Variants in FNBP1L observed in about 807,000 individuals in gnomAD.
FNBP1L encodes the protein formin binding protein 1 like.
A neutral mutation model predicts 91.2 loss-of-function variants in FNBP1L; 36 were observed. The ratio of observed to expected loss-of-function variants is 0.39; its 90% CI spans 0.30 to 0.52. The LOEUF (loss-of-function observed/expected upper bound fraction) is 0.52. FNBP1L is among the 20% of genes least tolerant of loss of function. The pLI, the probability that FNBP1L is intolerant of heterozygous loss-of-function variation, is 0.66. For missense variants in FNBP1L, 571 were observed against 732.1 expected, an observed-to-expected ratio of 0.78 and a Z score of 2.54; for synonymous variants, 242 against 237.0, an observed-to-expected ratio of 1.02 and a Z score of -0.19.
chr1:93,524,213 G>T, intron 4 of FNBP1L, 48 bp from the exon 5 acceptor site: 1 of 1,367,830 alleles, frequency 7.3e-7, no homozygotes, highest in Admixed American at 3.2e-5. Flanking sequence ...ATTTGTTTTT[G>T]TTTTATTTTT....
At chr1:93,448,777 G>A (rs1401133722) in intron 1 of FNBP1L, among the ~76,000 whole-genome samples, 1 of 152,178 alleles carries the variant, frequency 6.6e-6, no homozygotes, top group African/African-American at 2.4e-5. Flanking sequence ...GGCCAGGTCC[G>A]CGGGGCTAGG....
Position 93,496,221 on chromosome 1 carries a change from C to A in FNBP1L, c.25-3247C>A, listed in dbSNP as rs1329616136. Among the ~76,000 whole-genome samples, 4 of 151,342 alleles carry A rather than the reference C, an allele frequency of 2.6e-5. No individual in the cohort carries two copies. The South Asian group carries it at 8.4e-4, about 32-fold the overall frequency. The stretch of plus-strand genomic sequence containing the variant: ...TATTAATTTTTTCCTTCCCTCTTAC[C>A]CTCTCCCCCTCCCCACCTCCCCCTT... On this transcript the variant is annotated intron_variant, in intron 1 of 16. Coordinates refer to ENST00000271234, the MANE Select transcript of FNBP1L (RefSeq NM_001164473.3).
chr1:93,466,395 G>C (rs1309071222), intron 1 of FNBP1L, among the ~76,000 whole-genome samples: 1 of 152,126 alleles, frequency 6.6e-6, no homozygotes, highest in Non-Finnish European at 1.5e-5. Context: ...GTAAGGAAGG[G>C]ATCCAGTTTC....
chr1:93,520,112 C>A (rs901783621), intron 2 of FNBP1L, among the ~76,000 whole-genome samples: 21 of 152,136 alleles, frequency 1.4e-4, no homozygotes, highest in African/African-American at 4.6e-4. Flanking sequence ...ACTTACCATG[C>A]AGTATATTAC....
intron 2 of FNBP1L, among the ~76,000 whole-genome samples, chr1:93,516,371 C>G (rs972620854): frequency 6.6e-6 from 1 of 152,162 alleles, no homozygotes; most frequent in Non-Finnish European, 1.5e-5. Flanking sequence ...AAAGCTCCCT[C>G]CTTGTCCACT....
chr1:93,523,861 A>G (rs1023280617), intron 4 of FNBP1L, among the ~76,000 whole-genome samples: 1 of 152,194 alleles, frequency 6.6e-6, no homozygotes, highest in Non-Finnish European at 1.5e-5. Flanking sequence ...ACCCACATTC[A>G]TTGACTTTTA....
intron 8 of FNBP1L, 134 bp downstream of exon 8, chr1:93,533,202 T>C (rs1195586596): frequency 1.6e-6 from 1 of 606,904 alleles, no homozygotes; most frequent in East Asian, 3.1e-5. Context: ...AAGAATGTCT[T>C]GCAATAGATT....
intron 1 of FNBP1L, among the ~76,000 whole-genome samples, chr1:93,473,947 A>C (rs1277342076): frequency 6.6e-6 from 1 of 152,122 alleles, no homozygotes; most frequent in Non-Finnish European, 1.5e-5. Flanking sequence ...GAATATAGGA[A>C]ATTTACAGCA....
At chr1:93,518,555 T>A (rs1671209390) in intron 2 of FNBP1L, among the ~76,000 whole-genome samples, 1 of 152,224 alleles carries the variant, frequency 6.6e-6, no homozygotes, top group Non-Finnish European at 1.5e-5. Flanking sequence ...GTCTAAATTC[T>A]AGATGGATGG....
At chr1:93,485,173 A>G (rs896672794) in intron 1 of FNBP1L, among the ~76,000 whole-genome samples, 3 of 151,834 alleles carry the variant, frequency 2.0e-5, no homozygotes, top group East Asian at 1.9e-4. Context: ...AAAAAAGGAA[A>G]GAAAGGTAGT....
chr1:93,517,005 C>A (rs1008571650), intron 2 of FNBP1L, among the ~76,000 whole-genome samples: 4 of 150,782 alleles, frequency 2.7e-5, no homozygotes, highest in Admixed American at 6.6e-5. Flanking sequence ...TCACCCTGTT[C>A]TTCCTCTTCC....
At chr1:93,501,936 T>G (rs961553808) in intron 2 of FNBP1L, among the ~76,000 whole-genome samples, 40 of 152,188 alleles carry the variant, frequency 2.6e-4, no homozygotes, top group African/African-American at 8.9e-4. Context: ...CACAAAACTC[T>G]TCATTGCAGG....
chr1:93,482,381 T>G (rs897901911), intron 1 of FNBP1L, among the ~76,000 whole-genome samples: 4 of 152,186 alleles, frequency 2.6e-5, no homozygotes, highest in Non-Finnish European at 4.4e-5. Flanking sequence ...TAGAGCCATT[T>G]TATGTAAATG....
chr1:93,513,116 G>C (rs1382979075), intron 2 of FNBP1L, among the ~76,000 whole-genome samples: 1 of 151,966 alleles, frequency 6.6e-6, no homozygotes, highest in Non-Finnish European at 1.5e-5. Flanking sequence ...AAATACAAAC[G>C]ACCATCAGAG....
In FNBP1L at chr1:93,523,404, G is replaced by A. The variant is rs1471695426; in HGVS notation, c.255G>A (p.Gln85=). The A allele has an allele frequency of 5.0e-6, 8 of 1,609,654 alleles. No homozygotes were observed. Among genetic ancestry groups the A allele is most frequent in the Non-Finnish European group, 6.8e-6 (8 of 1,177,770 alleles). The change falls in exon 4 of 17, where the codon CAG becomes CAA. Residue 85 remains glutamine (Q), a synonymous_variant. Transcript: ENST00000271234. ...ILNELNDYAG[Q]REVVAEEMAH... is the part of the protein sequence containing the mutation. ...ATGAGTTAAATGACTATGCAGGACAGCGAGAAGTTGTAGCAGAAGAAATGG... is the reference window on the plus strand; with the variant it reads ...ATGAGTTAAATGACTATGCAGGACAACGAGAAGTTGTAGCAGAAGAAATGG...
chr1:93,533,965 A>AGAGAG (rs1671765581), intron 8 of FNBP1L, among the ~76,000 whole-genome samples: 1 of 152,196 alleles, frequency 6.6e-6, no homozygotes, highest in Non-Finnish European at 1.5e-5. Context: ...AGGCAACAAA[A>AGAGAG]GAGAGGTTGT....
chr1:93,502,336 TAAG>T (rs778446807), intron 2 of FNBP1L, among the ~76,000 whole-genome samples: 4 of 152,120 alleles, frequency 2.6e-5, no homozygotes, highest in South Asian at 2.1e-4. Flanking sequence ...AAACACTTGT[TAAG>T]AAGAGGATAT....
chr1:93,481,477 G>A (rs1669701753), intron 1 of FNBP1L, among the ~76,000 whole-genome samples: 2 of 152,146 alleles, frequency 1.3e-5, no homozygotes, highest in Admixed American at 1.3e-4. Flanking sequence ...GAAAATTAAG[G>A]AGACTGGCCC....
Position 93,530,778 on chromosome 1 carries a change from T to C in FNBP1L, c.534T>C (p.Arg178=). The change falls in exon 7 of 17, where the codon CGT becomes CGC. Residue 178 remains arginine (R), a synonymous_variant. Transcript: ENST00000271234. ...AGGCCAAACAGCAGTTGAATCTGCG[T>C]ACGCATATGGCCGATGAAAATAAAA... The part of the protein sequence containing the change: ...VEKAKQQLNL[R]THMADENKNE... The C allele has an allele frequency of 6.3e-7, 1 of 1,596,366 alleles. No individual in the cohort carries two copies.
Sources: allele counts gnomAD v4.1 joint callset (sites outside exome capture counted in the v4.1 genomes callset), GRCh38; gene constraint gnomAD v4.1.1; transcripts MANE v1.5; gene names NCBI Gene and HGNC (gene_info 2026-07-23, HGNC 2026-07-21).